Variants in TBX18 observed in about 807,000 individuals in gnomAD.
TBX18 encodes T-box transcription factor 18.
TBX18 carries 21 observed loss-of-function variants against 55.0 expected under a neutral mutation model. The ratio of observed to expected loss-of-function variants is 0.38; its 90% CI spans 0.27 to 0.55. TBX18 has a LOEUF of 0.55. TBX18 is among the 20% of genes least tolerant of loss of function. The pLI is 0.73. For missense variants in TBX18, 840 were observed against 799.6 expected (o/e 1.05, Z -0.61); for synonymous variants, 342 against 326.1 (o/e 1.05, Z -0.53).
At chr6:84,743,304 G>A (rs1430637058) in intron 6 of TBX18, among the ~76,000 whole-genome samples, 1 of 152,112 alleles carries the variant, frequency 6.6e-6, no homozygotes, top group Non-Finnish European at 1.5e-5. Flanking sequence ...CTGAGAAAAG[G>A]TCTCTGTCAC....
At position 84,747,970 on chromosome 6, in the gene TBX18, A is replaced by T; in HGVS notation, c.889T>A (p.Ser297Thr). 6.2e-7 allele frequency: 1 copy of T among 1,613,316 alleles called. No homozygotes were observed. Among genetic ancestry groups the T allele is most frequent in the Non-Finnish European group, 8.5e-7 (1 of 1,179,370 alleles). Reference sequence around the variant, plus strand: ...GTTGTGAAGACAGTTTCTGGAAAGGAGAATGCCTTTACTCCCTCCCCGGAT... The same window carrying T: ...GTTGTGAAGACAGTTTCTGGAAAGGTGAATGCCTTTACTCCCTCCCCGGAT... ...VPSGEGVKAF[S>T]FPETVFTTVT... Residue 297 changes from serine to threonine, a missense_variant, in exon 5 of 8, where the codon TCC (serine) becomes ACC (threonine). Physicochemically the swap from Ser to Thr is moderately conservative, Grantham distance 58. Coordinates refer to ENST00000369663, the MANE Select transcript of TBX18 (RefSeq NM_001080508.3).
chr6:84,736,836 G>A lies in TBX18; in HGVS notation c.1673C>T (p.Ser558Leu). The change falls in exon 8 of 8, where the codon TCA becomes TTA. Residue 558 changes from serine (S) to leucine (L), a missense_variant. By Grantham distance (145) the Ser-to-Leu change is moderately radical. Transcript: ENST00000369663. Reference protein sequence around the residue: ...VSSQGSFLGSSPSGTMTDRQM... With the variant: ...VSSQGSFLGSLPSGTMTDRQM... ...CCGATCCGTCATGGTCCCACTCGGTGAGGACCCCAAGAAACTTCCTTGGGA... is the reference window on the plus strand; with the variant it reads ...CCGATCCGTCATGGTCCCACTCGGTAAGGACCCCAAGAAACTTCCTTGGGA... The A allele has an allele frequency of 6.2e-7, 1 of 1,613,920 alleles. No homozygotes were observed. The highest frequency in any genetic ancestry group is 8.5e-7 in the Non-Finnish European group (1 of 1,179,948).
chr6:84,752,193 A>T (rs543214459), intron 4 of TBX18, among the ~76,000 whole-genome samples: 1 of 152,208 alleles, frequency 6.6e-6, no homozygotes, highest in East Asian at 1.9e-4. Context: ...AGTCAAAAAA[A>T]AAAAGCATAA....
chr6:84,746,395 A>G (rs971102949), intron 5 of TBX18, among the ~76,000 whole-genome samples: 4 of 147,740 alleles, frequency 2.7e-5, no homozygotes, highest in South Asian at 4.2e-4. Flanking sequence ...TATATCTCAT[A>G]ATATACTAAA....
chr6:84,764,222 C>G lies in TBX18; in HGVS notation c.-41G>C. On this transcript the variant is annotated 5_prime_UTR_variant, in exon 1 of 8. Coordinates refer to ENST00000369663, the MANE Select transcript of TBX18 (RefSeq NM_001080508.3). ...CCCGCCCGCCCCTCTCTCATATACA[C>G]TCACGCGGGCACACGCGCGCTCTCG... The G allele has an allele frequency of 7.3e-7, 1 of 1,373,238 alleles. No homozygotes were observed. Among genetic ancestry groups the G allele is most frequent in the Non-Finnish European group, 9.4e-7 (1 of 1,065,648 alleles). 85.1% of individuals were successfully genotyped at this position (1,373,238 alleles called of 1,614,324 possible). A position where few individuals can be genotyped will look rare whatever the true frequency, so the allele number is the denominator to read the frequency against.
chr6:84,745,953 G>GA (rs1767171787), intron 5 of TBX18, among the ~76,000 whole-genome samples: 1 of 152,068 alleles, frequency 6.6e-6, no homozygotes, highest in Admixed American at 6.6e-5. Flanking sequence ...AGTAAGCCAG[G>GA]ACCACAGGCT....
In TBX18 at chr6:84,760,319, A is replaced by G. The variant is rs1283615284; in HGVS notation, c.535T>C (p.Leu179=). 1 of 1,606,832 alleles carries G rather than the reference A, an allele frequency of 6.2e-7. No homozygotes were observed. The highest frequency in any genetic ancestry group is 8.5e-7 in the Non-Finnish European group (1 of 1,175,806). ...ATGTAATATTGCTGGTGAGGATCTA[A>G]TCCAGAGATCTTCACTCTCATTGCT... ...FPAMRVKISG[L]DPHQQYYIAM... Residue 179 remains leucine (L), a synonymous_variant, in exon 3 of 8, where the codon TTA becomes CTA. Coordinates refer to ENST00000369663, the MANE Select transcript of TBX18 (RefSeq NM_001080508.3).
At chr6:84,758,676 CA>C (rs1767561548) in intron 3 of TBX18, among the ~76,000 whole-genome samples, 1 of 151,844 alleles carries the variant, frequency 6.6e-6, no homozygotes, top group South Asian at 2.1e-4. Context: ...GAGTTACTGC[CA>C]AAACAAATAG....
chr6:84,762,471 C>T (rs1767676022), intron 2 of TBX18, 73 bp downstream of exon 2: 2 of 1,560,068 alleles, frequency 1.3e-6, no homozygotes, highest in African/African-American at 1.4e-5. Flanking sequence ...GGCCCTTCTT[C>T]CTGATTGAGC....
chr6:84,762,961 T>C (rs1423803049), intron 1 of TBX18: 1 of 593,738 alleles, frequency 1.7e-6, no homozygotes, highest in Non-Finnish European at 3.0e-6. Context: ...CAGTGTGGCC[T>C]GCTTGGTCCC....
chr6:84,754,745 C>G (rs988801169), intron 4 of TBX18, among the ~76,000 whole-genome samples: 7 of 152,156 alleles, frequency 4.6e-5, no homozygotes, highest in African/African-American at 1.7e-4. Context: ...TAGATGAGAT[C>G]AACATTTATA....
chr6:84,738,422 CTT>C, intron 7 of TBX18, 73 bp downstream of exon 7: 2 of 1,097,808 alleles, frequency 1.8e-6, no homozygotes, highest in Non-Finnish European at 2.8e-6. Flanking sequence ...TAAATAATGA[CTT>C]GTACACTTTT....
intron 6 of TBX18, chr6:84,742,075 C>G (rs1247407887): frequency 1.3e-5 from 2 of 151,928 alleles, no homozygotes; most frequent in East Asian, 3.9e-4. Context: ...AGAGTTTCAG[C>G]AAGGAAAAAA....
intron 3 of TBX18, among the ~76,000 whole-genome samples, chr6:84,757,203 A>G (rs1051564028): frequency 1.3e-5 from 2 of 152,190 alleles, no homozygotes; most frequent in African/African-American, 4.8e-5. Flanking sequence ...TGAATATTCC[A>G]TCGACACGAA....
intron 5 of TBX18, 108 bp from the exon 6 acceptor site, chr6:84,744,433 T>G (rs891323183): frequency 6.1e-6 from 5 of 814,684 alleles, no homozygotes; most frequent in Non-Finnish European, 9.7e-6. Flanking sequence ...AGGACTCTAT[T>G]GTATAAGCCT....
In TBX18 at chr6:84,756,688, A is replaced by G; in HGVS notation, c.771+10T>C. On this transcript the variant is annotated intron_variant, in intron 4 of 7. Coordinates refer to ENST00000369663, the MANE Select transcript of TBX18 (RefSeq NM_001080508.3). ...CATCTACAGATGCATTAGAGAGGCCATCTACTCACATGGCCTTGGTCATCC... is the reference window on the plus strand; with the variant it reads ...CATCTACAGATGCATTAGAGAGGCCGTCTACTCACATGGCCTTGGTCATCC... 1 of 1,613,300 alleles carries G rather than the reference A, an allele frequency of 6.2e-7. No homozygotes were observed. Among genetic ancestry groups the G allele is most frequent in the Non-Finnish European group, 8.5e-7 (1 of 1,179,716 alleles).
chr6:84,742,617 C>T (rs1767073791), intron 6 of TBX18: 1 of 151,994 alleles, frequency 6.6e-6, no homozygotes, highest in Non-Finnish European at 1.5e-5. Flanking sequence ...TATATACAAG[C>T]ATGTGACCCC....
chr6:84,757,490 T>A (rs568232642), intron 3 of TBX18, among the ~76,000 whole-genome samples: 1 of 152,310 alleles, frequency 6.6e-6, no homozygotes, highest in African/African-American at 2.4e-5. Context: ...TGGAAAATTT[T>A]GTATTATCAT....
intron 5 of TBX18, 64 bp from the exon 6 acceptor site, chr6:84,744,389 G>T: frequency 1.4e-6 from 2 of 1,439,102 alleles, no homozygotes; most frequent in Non-Finnish European, 1.9e-6. Context: ...TTACTTGGTT[G>T]CAAAACTACA....
Sources: gnomAD v4.1 joint callset for allele counts (sites outside exome capture counted in the v4.1 genomes callset) on GRCh38, gnomAD v4.1.1 for gene constraint, MANE v1.5 for transcripts, NCBI Gene and HGNC (gene_info 2026-07-23, HGNC 2026-07-21) for gene names.